ZNF385D: variants seen among roughly 807,000 people sequenced by gnomAD.
ZNF385D encodes the protein zinc finger protein 659.
In ZNF385D, 15 loss-of-function variants were observed where a neutral mutation model predicts 35.8. The ratio of observed to expected loss-of-function variants is 0.42; its 90% CI spans 0.28 to 0.64. ZNF385D has a LOEUF of 0.64. Among genes scored for constraint, ZNF385D ranks in the 30% least tolerant of loss-of-function variants. ZNF385D has a pLI of 0.23. For missense variants in ZNF385D, 474 were observed against 494.6 expected, an observed-to-expected ratio of 0.96 and a Z score of 0.39; for synonymous variants, 212 against 186.8, an observed-to-expected ratio of 1.13 and a Z score of -1.10.
At chr3:21,845,476 C>G (rs1575764489) in intron 3 of ZNF385D, among the ~76,000 whole-genome samples, 1 of 151,894 alleles carries the variant, frequency 6.6e-6, no homozygotes, top group African/African-American at 2.4e-5. Context: ...ACTCCCTCAG[C>G]TGATACAAAG....
At position 21,416,858 on chromosome 3, in the gene ZNF385D, A is replaced by T. The variant is rs1249073692; in HGVS notation, c.*4356T>A. ...TTGAAGAGAGAAAGTGCAACAAAAG[A>T]AATAAGGATGATGCATTTAAATTGT... On this transcript the variant is annotated 3_prime_UTR_variant, in exon 8 of 8. Transcript: ENST00000281523. 1.3e-5 allele frequency: 2 copies of T among 152,114 alleles called. No homozygotes were observed. Among genetic ancestry groups the T allele is most frequent in the African/African-American group, 4.8e-5 (2 of 41,416 alleles). 9.4% of individuals were successfully genotyped at this position (152,114 alleles called of 1,614,324 possible). A position where few individuals can be genotyped will look rare whatever the true frequency, so the allele number is the denominator to read the frequency against.
intron 3 of ZNF385D, among the ~76,000 whole-genome samples, chr3:22,106,462 C>T (rs1253275726): frequency 6.6e-6 from 1 of 152,114 alleles, no homozygotes; most frequent in Admixed American, 6.6e-5. Context: ...GACTGGGCAG[C>T]CTTTTAGGAC....
Position 21,987,235 on chromosome 3 carries a change from C to T in ZNF385D, c.325+181582G>A, listed in dbSNP as rs1264493385. 1.5e-3 allele frequency among the ~76,000 whole-genome samples: 213 copies of T among 138,902 alleles called. 1 individual carries two copies. The highest frequency in any genetic ancestry group is 5.4e-3 in the African/African-American group (187 of 34,630). 91.1% of individuals were successfully genotyped at this position (138,902 alleles called of 152,430 possible). ...TATGATGTTAGCTGGTGATTTTGCT[C>T]GTTAGTTGATGCAGTTTCTTCCTAG... On this transcript the variant is annotated intron_variant, in intron 3 of 5. Transcript: ENST00000494108.
At chr3:21,428,753 A>T (rs1416664224) in intron 5 of ZNF385D, among the ~76,000 whole-genome samples, 1 of 151,966 alleles carries the variant, frequency 6.6e-6, no homozygotes, top group Non-Finnish European at 1.5e-5. Flanking sequence ...CTACTTCTGC[A>T]CTACATTCCT....
intron 1 of ZNF385D, among the ~76,000 whole-genome samples, chr3:21,746,337 A>T (rs1021750300): frequency 6.6e-6 from 1 of 152,228 alleles, no homozygotes; most frequent in Non-Finnish European, 1.5e-5. Flanking sequence ...AAATTTAAGG[A>T]TGTGATAAGG....
intron 3 of ZNF385D, among the ~76,000 whole-genome samples, chr3:22,095,411 C>A (rs1701565386): frequency 6.6e-6 from 1 of 151,908 alleles, no homozygotes; most frequent in African/African-American, 2.4e-5. Context: ...TAGGCACTAA[C>A]TTTCCTCTGA....
intron 3 of ZNF385D, among the ~76,000 whole-genome samples, chr3:22,037,628 A>G (rs1387688896): frequency 6.6e-6 from 1 of 152,034 alleles, no homozygotes; most frequent in Non-Finnish European, 1.5e-5. Flanking sequence ...AGATGAGTAG[A>G]TTGCAAAAAT....
At chr3:22,014,854 T>C (rs930095845) in intron 3 of ZNF385D, among the ~76,000 whole-genome samples, 6 of 152,134 alleles carry the variant, frequency 3.9e-5, no homozygotes, top group African/African-American at 1.2e-4. Context: ...TGTAAACTAA[T>C]TTTGTACAAA....
chr3:22,184,019 A>T (rs1224934255), intron 2 of ZNF385D, among the ~76,000 whole-genome samples: 1 of 152,200 alleles, frequency 6.6e-6, no homozygotes, highest in Non-Finnish European at 1.5e-5. Flanking sequence ...TTTAAACTAA[A>T]TATCAACTCC....
At chr3:21,515,048 G>A (rs976151884) in intron 3 of ZNF385D, among the ~76,000 whole-genome samples, 5 of 152,084 alleles carry the variant, frequency 3.3e-5, no homozygotes, top group African/African-American at 1.2e-4. Flanking sequence ...CCAGTAGTCA[G>A]CCACTTTTCA....
rs138118077 is a variant in ZNF385D, at chr3:22,275,668, T to C, written c.106+96782A>G. ...TTGGAAAAGCCAATAATCATATTTTTATCAACTTTAATAAATGACAGAAAA... is the reference window on the plus strand; with the variant it reads ...TTGGAAAAGCCAATAATCATATTTTCATCAACTTTAATAAATGACAGAAAA... On this transcript the variant is annotated intron_variant, in intron 2 of 5. Transcript: ENST00000494108. Among the ~76,000 whole-genome samples the C allele has an allele frequency of 3.6e-4, 55 of 152,284 alleles. No homozygotes were observed. In the East Asian group the frequency reaches 9.7e-3, roughly 27 times the overall value.
chr3:21,470,803 A>C (rs973971122), intron 4 of ZNF385D, among the ~76,000 whole-genome samples: 8 of 152,010 alleles, frequency 5.3e-5, no homozygotes, highest in Admixed American at 2.0e-4. Flanking sequence ...GTCTTTTTGT[A>C]GTGTAATTGG....
At chr3:22,007,619 T>G (rs12486367) in intron 3 of ZNF385D, among the ~76,000 whole-genome samples, 25,033 of 152,198 alleles carry the variant, frequency 0.16, 2,217 homozygotes, top group Non-Finnish European at 0.19. Context: ...TGAAAGTAGG[T>G]ATTTCGTCAC....
chr3:21,764,132 T>G (rs550897915), intron 3 of ZNF385D, among the ~76,000 whole-genome samples: 1 of 152,080 alleles, frequency 6.6e-6, no homozygotes, highest in Non-Finnish European at 1.5e-5. Flanking sequence ...CGCGGTTGAT[T>G]TGAGATTCAT....
intron 3 of ZNF385D, among the ~76,000 whole-genome samples, chr3:21,781,861 C>T (rs1478259080): frequency 6.6e-6 from 1 of 151,974 alleles, no homozygotes; most frequent in East Asian, 1.9e-4. Flanking sequence ...CTAGCAATGG[C>T]ATTCAACCCA....
chr3:21,848,177 CCTTT>C (rs1396719606), intron 3 of ZNF385D, among the ~76,000 whole-genome samples: 1 of 151,912 alleles, frequency 6.6e-6, no homozygotes, highest in Non-Finnish European at 1.5e-5. Context: ...TGCAGGATTT[CCTTT>C]TTTTTAAAAA....
chr3:21,584,264 C>T (rs2125713043), intron 2 of ZNF385D, among the ~76,000 whole-genome samples: 1 of 152,262 alleles, frequency 6.6e-6, no homozygotes, highest in South Asian at 2.1e-4. Context: ...CAGCCGTGAG[C>T]CATTGCACCC....
intron 3 of ZNF385D, among the ~76,000 whole-genome samples, chr3:21,931,753 C>G (rs993428552): frequency 7.9e-5 from 12 of 152,126 alleles, no homozygotes; most frequent in African/African-American, 2.9e-4. Flanking sequence ...ATGTTCAAAA[C>G]TAGATTGTTA....
At position 22,134,882 on chromosome 3, in the gene ZNF385D, C is replaced by A. The variant is rs369193089; in HGVS notation, c.325+33935G>T. Among the ~76,000 whole-genome samples the A allele has an allele frequency of 7.2e-5, 11 of 152,236 alleles. 1 individual carries two copies. The highest frequency in any genetic ancestry group is 4.2e-4 in the South Asian group (2 of 4,816). Reference sequence around the variant, plus strand: ...TGGCCATAATCGCATTATGACAGAACCCTCATAGCCTAGTCACCTCTCATT... The same window carrying A: ...TGGCCATAATCGCATTATGACAGAAACCTCATAGCCTAGTCACCTCTCATT... On this transcript the variant is annotated intron_variant, in intron 3 of 5. Transcript: ENST00000494108.
Sources: gnomAD v4.1 joint callset for allele counts (sites outside exome capture counted in the v4.1 genomes callset) on GRCh38, gnomAD v4.1.1 for gene constraint, MANE v1.5 for transcripts, NCBI Gene and HGNC (gene_info 2026-07-23, HGNC 2026-07-21) for gene names.